The following PRUNE2 variants were observed in gnomAD, a reference collection of about 807,000 sequenced individuals.
PRUNE2 encodes protein prune homolog 2.
In PRUNE2, 164 loss-of-function variants were observed where a neutral mutation model predicts 252.0. The ratio of observed to expected loss-of-function variants is 0.65; its 90% confidence interval spans 0.57 to 0.74. The LOEUF (loss-of-function observed/expected upper bound fraction) is 0.74, where lower values mean the gene tolerates loss of function less well. Among genes scored for constraint, PRUNE2 ranks in the 30% least tolerant of loss-of-function variants. The pLI, the probability that PRUNE2 is intolerant of heterozygous loss-of-function variation, is 0.00. For synonymous variants in PRUNE2, 1,292 were observed against 1,350.2 expected, an observed-to-expected ratio of 0.96 and a Z score of 0.94; for missense variants, 3,495 against 3,711.0, an observed-to-expected ratio of 0.94 and a Z score of 1.51.
At chr9:76,718,930 T>C (rs1393969808) in intron 6 of PRUNE2, among the ~76,000 whole-genome samples, 1 of 152,148 alleles carries the variant, frequency 6.6e-6, no homozygotes, top group Non-Finnish European at 1.5e-5. Flanking sequence ...TCTCACGTAA[T>C]TCACCAGCAA....
chr9:76,686,672 G>T (rs1284185540), intron 9 of PRUNE2, among the ~76,000 whole-genome samples: 1 of 152,112 alleles, frequency 6.6e-6, no homozygotes, highest in Non-Finnish European at 1.5e-5. Context: ...GTCCAGGCTG[G>T]TCTGGAACTT....
chr9:76,615,769 G>GTTTTTTTTTTTTTTTTTTT (rs58726178), intron 18 of PRUNE2, among the ~76,000 whole-genome samples: 2 of 93,966 alleles, frequency 2.1e-5, no homozygotes, highest in Admixed American at 1.5e-4. Flanking sequence ...TGTGTGTGTG[G>GTTTTTTTTTTTTTTTTTTT]TTTTTTTTTT....
chr9:76,834,638 T>C (rs2058853003), intron 4 of PRUNE2, among the ~76,000 whole-genome samples: 1 of 152,212 alleles, frequency 6.6e-6, no homozygotes, highest in South Asian at 2.1e-4. Flanking sequence ...TGGAATAATT[T>C]AGTGAAAACA....
At chr9:76,719,897 T>C (rs2047480855) in intron 6 of PRUNE2, among the ~76,000 whole-genome samples, 1 of 152,184 alleles carries the variant, frequency 6.6e-6, no homozygotes, top group Admixed American at 6.5e-5. Context: ...TCCTCCCACC[T>C]TGGCCTCTCA....
chr9:76,775,718 A>G (rs753914537), intron 6 of PRUNE2, among the ~76,000 whole-genome samples: 72 of 152,232 alleles, frequency 4.7e-4, no homozygotes, highest in Non-Finnish European at 7.6e-4. Context: ...CTTGGATGTG[A>G]AAATAGTTGT....
rs200333710 is a variant in PRUNE2, at chr9:76,877,326, GA to G, written c.37-23119del. On this transcript the variant is annotated intron_variant, in intron 1 of 18. Transcript: ENST00000376718. ...TCGAGACCAGCCTGGGCAACATGGC[GA>G]AACCCCATCTCTACTAAAAATACAA... 4.3e-3 allele frequency among the ~76,000 whole-genome samples: 656 copies of G among 152,118 alleles called. 3 individuals are homozygous for G. The highest frequency in any genetic ancestry group is 0.015 in the African/African-American group (621 of 41,490).
chr9:76,762,067 T>A (rs115622735), intron 6 of PRUNE2, among the ~76,000 whole-genome samples: 6 of 152,204 alleles, frequency 3.9e-5, no homozygotes, highest in African/African-American at 1.4e-4. Context: ...CAGCCTCCAA[T>A]GCATCTGGTG....
chr9:76,711,197 C>G lies in PRUNE2; in HGVS notation c.1077G>C (p.Glu359Asp). The G allele has an allele frequency of 6.2e-7, 1 of 1,613,956 alleles. No individual in the cohort carries two copies. Among genetic ancestry groups the G allele is most frequent in the South Asian group, 1.1e-5 (1 of 91,066 alleles). ...VKEVINRRCPEMVSNSRTSST... is the reference protein window; with the variant it reads ...VKEVINRRCPDMVSNSRTSST... Reference sequence around the variant, plus strand: ...AGGATGTCCGGCTATTGGAGACCATCTCTGGACACCTCCTGTTGATGACTT... The same window carrying G: ...AGGATGTCCGGCTATTGGAGACCATGTCTGGACACCTCCTGTTGATGACTT... Residue 359 changes from glutamate (E) to aspartate (D), a missense_variant, in exon 8 of 19, where the codon GAG (glutamate) becomes GAC (aspartate). Physicochemically the swap from Glu to Asp is conservative, Grantham distance 45 (BLOSUM62 2). Transcript: ENST00000376718.
chr9:76,657,088 A>G (rs543243609), intron 9 of PRUNE2, among the ~76,000 whole-genome samples: 1 of 152,352 alleles, frequency 6.6e-6, no homozygotes, highest in East Asian at 1.9e-4. Flanking sequence ...CCTAGGACCT[A>G]GAGGGACAGA....
intron 9 of PRUNE2, among the ~76,000 whole-genome samples, chr9:76,682,489 G>C (rs932981517): frequency 7.9e-5 from 12 of 151,174 alleles, no homozygotes; most frequent in Non-Finnish European, 1.5e-4. Context: ...AGCCTCCCAA[G>C]TAGCTGGGAT....
At chr9:76,764,448 G>C (rs1365061995) in intron 6 of PRUNE2, 1 of 152,196 alleles carries the variant, frequency 6.6e-6, no homozygotes, top group African/African-American at 2.4e-5. Flanking sequence ...AGAAGAAATA[G>C]CAAGTGCCGA....
At position 76,703,902 on chromosome 9, in the gene PRUNE2, T is replaced by G; in HGVS notation, c.7711A>C (p.Ser2571Arg). 6.2e-7 allele frequency: 1 copy of G among 1,613,926 alleles called. No homozygotes were observed. Among genetic ancestry groups the G allele is most frequent in the Non-Finnish European group, 8.5e-7 (1 of 1,179,856 alleles). ...SKPETCEERESIAELELYVGS... is the reference protein window; with the variant it reads ...SKPETCEERERIAELELYVGS... Reference sequence around the variant, plus strand: ...ACATACAATTCTAATTCAGCTATGCTTTCTCTTTCTTCACAGGTCTCTGGC... The same window carrying G: ...ACATACAATTCTAATTCAGCTATGCGTTCTCTTTCTTCACAGGTCTCTGGC... The change falls in exon 9 of 19, where the codon AGC (serine) becomes CGC (arginine). Residue 2571 changes from serine to arginine, a missense_variant. By Grantham distance (110) the Ser-to-Arg change is moderately radical. Coordinates refer to ENST00000376718, the MANE Select transcript of PRUNE2 (RefSeq NM_015225.3).
intron 1 of PRUNE2, among the ~76,000 whole-genome samples, chr9:76,899,911 C>T (rs533750550): frequency 2.0e-5 from 3 of 152,032 alleles, no homozygotes; most frequent in South Asian, 2.1e-4. Flanking sequence ...TCAGGTCATA[C>T]GAAAAGTGTG....
intron 12 of PRUNE2, among the ~76,000 whole-genome samples, chr9:76,639,839 A>C (rs1841799465): frequency 6.6e-6 from 1 of 152,220 alleles, no homozygotes; most frequent in Non-Finnish European, 1.5e-5. Flanking sequence ...TCCGGGGGTC[A>C]AGGAACATGT....
intron 1 of PRUNE2, among the ~76,000 whole-genome samples, chr9:76,885,581 G>A (rs948573681): frequency 2.0e-5 from 3 of 152,186 alleles, no homozygotes; most frequent in African/African-American, 7.2e-5. Context: ...CAGTGGACTA[G>A]GATTTAGAAG....
intron 9 of PRUNE2, among the ~76,000 whole-genome samples, chr9:76,666,515 G>A (rs1287119408): frequency 1.3e-5 from 2 of 152,186 alleles, no homozygotes; most frequent in African/African-American, 4.8e-5. Flanking sequence ...AAATAATGGC[G>A]TAAGCTGTCC....
At chr9:76,684,740 T>C (rs2043884177) in intron 9 of PRUNE2, among the ~76,000 whole-genome samples, 1 of 152,148 alleles carries the variant, frequency 6.6e-6, no homozygotes, top group South Asian at 2.1e-4. Flanking sequence ...TGGGACTCAC[T>C]CCACTTCTGC....
chr9:76,898,895 A>G (rs958701522), intron 1 of PRUNE2, among the ~76,000 whole-genome samples: 2 of 152,220 alleles, frequency 1.3e-5, no homozygotes, highest in Admixed American at 6.6e-5. Context: ...GGAGAGTTAG[A>G]TGAAGTGGAA....
chr9:76,670,302 G>A (rs1427470477), intron 9 of PRUNE2, among the ~76,000 whole-genome samples: 11 of 151,976 alleles, frequency 7.2e-5, no homozygotes, highest in Non-Finnish European at 1.3e-4. Flanking sequence ...ACGGCACCTG[G>A]AAAATCGGGT....
Sources: allele counts gnomAD v4.1 joint callset (sites outside exome capture counted in the v4.1 genomes callset), GRCh38; gene constraint gnomAD v4.1.1; transcripts MANE v1.5; gene names NCBI Gene and HGNC (gene_info 2026-07-23, HGNC 2026-07-21).